The following AK3 variants were observed in gnomAD, a reference collection of about 807,000 sequenced individuals.
AK3 encodes the protein adenylate kinase 3.
Under a neutral mutation model 23.7 loss-of-function variants are expected in AK3, and 27 were observed. The ratio of observed to expected loss-of-function variants is 1.14; its 90% confidence interval spans 0.84 to 1.57. The LOEUF is 1.57. AK3 is among the 40% of genes most tolerant of loss of function. AK3 has a pLI of 0.00. For synonymous variants in AK3, 159 were observed against 116.0 expected (o/e 1.37, Z -2.38); for missense variants, 406 against 285.6 (o/e 1.42, Z -3.04).
At chr9:4,727,160 C>T (rs962370551) in intron 1 of AK3, among the ~76,000 whole-genome samples, 2 of 152,126 alleles carry the variant, frequency 1.3e-5, no homozygotes, top group East Asian at 1.9e-4. Flanking sequence ...TCAAGACCCT[C>T]GGATTTTTGG....
chr9:4,714,084 A>ACCTACACATATACG (rs1841647105), intron 4 of AK3, among the ~76,000 whole-genome samples: 1 of 72,136 alleles, frequency 1.4e-5, no homozygotes, highest in African/African-American at 4.1e-5. Context: ...ACATATACAC[A>ACCTACACATATACG]CCTACACATA....
chr9:4,728,350 C>G lies in AK3; in HGVS notation c.152-5725G>C, dbSNP rs533830823. ...CTTTGGGAGGCCGAGGCAGGCGCATCACTTGAGGTCAGGAGTTCGAGACCA... is the reference window on the plus strand; with the variant it reads ...CTTTGGGAGGCCGAGGCAGGCGCATGACTTGAGGTCAGGAGTTCGAGACCA... On this transcript the variant is annotated intron_variant, in intron 1 of 4. Coordinates refer to ENST00000381809, the MANE Select transcript of AK3 (RefSeq NM_016282.4). Among the ~76,000 whole-genome samples the G allele has an allele frequency of 2.6e-4, 39 of 152,304 alleles. No homozygotes were observed. In the East Asian group the frequency reaches 6.8e-3, roughly 26 times the overall value.
Position 4,722,607 on chromosome 9 carries a change from T to G in AK3, c.170A>C (p.Lys57Thr), listed in dbSNP as rs779704775. 5.6e-6 allele frequency: 9 copies of G among 1,614,088 alleles called. No homozygotes were observed. The highest frequency in any genetic ancestry group is 4.0e-5 in the African/African-American group (3 of 74,936). Reference protein sequence around the residue: ...LRGTEIGVLAKAFIDQGKLIP... With the variant: ...LRGTEIGVLATAFIDQGKLIP... ...GAGTTTCCCTTGGTCAATGAAAGCC[T>G]TGGCTAACACGCCAATTTCTACAGC... The change falls in exon 2 of 5, where the codon AAG becomes ACG. Residue 57 changes from lysine (K) to threonine (T), a missense_variant. Transcript: ENST00000381809.
intron 1 of AK3, among the ~76,000 whole-genome samples, chr9:4,728,190 T>C (rs7042425): frequency 0.019 from 2,936 of 152,330 alleles, 97 homozygotes; most frequent in African/African-American, 0.067. Flanking sequence ...CCAATAGCCT[T>C]GCTTGACACA....
In AK3 at chr9:4,722,456, C is replaced by A. The variant is rs775122125; in HGVS notation, c.271+50G>T. ...AGCCCATGAAATGCTCATTCTCCTG[C>A]CAGCACTGATTATTTTGGGCAGGTG... is the stretch of plus-strand genomic sequence containing the variant. On this transcript the variant is annotated intron_variant, in intron 2 of 4. Coordinates refer to ENST00000381809, the MANE Select transcript of AK3 (RefSeq NM_016282.4). The A allele has an allele frequency of 8.7e-6, 14 of 1,612,786 alleles. No individual in the cohort carries two copies. The South Asian group carries it at 1.3e-4, about 15-fold the overall frequency.
rs149936444 is a variant in AK3 at position 4,739,819 on chromosome 9, T to C, written c.151+1118A>G. On this transcript the variant is annotated intron_variant, in intron 1 of 4. Coordinates refer to ENST00000381809, the MANE Select transcript of AK3 (RefSeq NM_016282.4). Reference sequence around the variant, plus strand: ...GGTGGCATGCGCCTGTAGTCCCAGCTACTAGGGAGGCTGAGACAGGAGAAT... The same window carrying C: ...GGTGGCATGCGCCTGTAGTCCCAGCCACTAGGGAGGCTGAGACAGGAGAAT... 2.2e-3 allele frequency among the ~76,000 whole-genome samples: 333 copies of C among 151,778 alleles called. 1 individual carries two copies. Among genetic ancestry groups the C allele is most frequent in the African/African-American group, 7.7e-3 (318 of 41,360 alleles).
At chr9:4,714,129 C>CACACCTCCACATAAT (rs1563781230) in intron 4 of AK3, among the ~76,000 whole-genome samples, 9 of 6,110 alleles carry the variant, frequency 1.5e-3, no homozygotes, top group African/African-American at 2.3e-3. Context: ...TCCACATATA[C>CACACCTCCACATAAT]ACACCTACAC....
chr9:4,728,412 A>G (rs1446234734), intron 1 of AK3, among the ~76,000 whole-genome samples: 2 of 152,046 alleles, frequency 1.3e-5, no homozygotes, highest in Admixed American at 6.6e-5. Flanking sequence ...CTCTACTAGT[A>G]ATACAAAAAT....
intron 2 of AK3, among the ~76,000 whole-genome samples, chr9:4,720,762 T>C (rs1021353992): frequency 5.3e-5 from 8 of 150,924 alleles, no homozygotes; most frequent in Non-Finnish European, 8.8e-5. Flanking sequence ...ATCTGAAAAA[T>C]TACATTTTCT....
rs148411833 is a variant in AK3, at chr9:4,712,869, A to G, written c.*107T>C. Reference sequence around the variant, plus strand: ...AATCAGTAGAAATAAAAGTAATATAATTTTCAAAGAATTCATACATACTAG... The same window carrying G: ...AATCAGTAGAAATAAAAGTAATATAGTTTTCAAAGAATTCATACATACTAG... On this transcript the variant is annotated 3_prime_UTR_variant, in exon 5 of 5. Coordinates refer to ENST00000381809, the MANE Select transcript of AK3 (RefSeq NM_016282.4). 43 of 1,270,292 alleles carry G rather than the reference A, an allele frequency of 3.4e-5. No individual in the cohort carries two copies. The African/African-American group carries it at 5.1e-4, about 15-fold the overall frequency. The allele number at this position is 1,270,292 out of a possible 1,614,324, so 78.7% of individuals were successfully genotyped here. A position where few individuals can be genotyped will look rare whatever the true frequency, so the allele number is the denominator to read the frequency against.
At chr9:4,730,281 G>C (rs407603) in intron 1 of AK3, among the ~76,000 whole-genome samples, 12,689 of 152,086 alleles carry the variant, frequency 0.083, 624 homozygotes, top group African/African-American at 0.13. Flanking sequence ...CTTTGGATAT[G>C]CTAAAAACCA....
intron 4 of AK3, 90 bp from the exon 5 acceptor site, chr9:4,713,186 G>T: frequency 6.7e-7 from 1 of 1,493,604 alleles, no homozygotes; most frequent in Non-Finnish European, 9.0e-7. Context: ...TAATGATATT[G>T]TAGATATAGG....
chr9:4,719,355 T>C (rs764592583), intron 2 of AK3, 48 bp from the exon 3 acceptor site: 2 of 65,702 alleles, frequency 3.0e-5, no homozygotes, highest in Admixed American at 1.5e-4. Flanking sequence ...AAAGGAAGTA[T>C]GGGGTGGGGG....
intron 1 of AK3, among the ~76,000 whole-genome samples, chr9:4,724,693 T>A (rs1222237898): frequency 6.6e-6 from 1 of 151,912 alleles, no homozygotes; most frequent in East Asian, 1.9e-4. Flanking sequence ...GTGGGAAGAT[T>A]GCTTGAGCCC....
chr9:4,718,359 A>C (rs1841792868), intron 4 of AK3, 60 bp downstream of exon 4: 14 of 1,301,144 alleles, frequency 1.1e-5, no homozygotes, highest in Non-Finnish European at 1.6e-5. Flanking sequence ...GAGGAAGGAA[A>C]ATCAAAACTA....
chr9:4,725,278 A>G (rs1026360279), intron 1 of AK3, among the ~76,000 whole-genome samples: 13 of 151,578 alleles, frequency 8.6e-5, no homozygotes, highest in Non-Finnish European at 1.6e-4. Context: ...CGGCCTCCCA[A>G]AGTGCTGGGA....
Position 4,722,593 on chromosome 9 carries a change from G to C in AK3, c.184C>G (p.Gln62Glu). The change falls in exon 2 of 5, where the codon CAA (glutamine) becomes GAA (glutamate). Residue 62 changes from glutamine to glutamate, a missense_variant. Gln to Glu is a conservative substitution (Grantham distance 29). Coordinates refer to ENST00000381809, the MANE Select transcript of AK3 (RefSeq NM_016282.4). ...ACATCATCTGGGATGAGTTTCCCTT[G>C]GTCAATGAAAGCCTTGGCTAACACG... ...IGVLAKAFID[Q>E]GKLIPDDVMT... The C allele has an allele frequency of 1.2e-6, 2 of 1,614,138 alleles. No homozygotes were observed. The highest frequency in any genetic ancestry group is 2.2e-5 in the East Asian group (1 of 44,880).
At chr9:4,717,650 C>A (rs770624602) in intron 4 of AK3, among the ~76,000 whole-genome samples, 10 of 152,170 alleles carry the variant, frequency 6.6e-5, no homozygotes, top group Non-Finnish European at 1.3e-4. Context: ...AATTGTACCT[C>A]GAGCACCTGT....
Position 4,735,302 on chromosome 9 carries a change from T to C in AK3, c.151+5635A>G, listed in dbSNP as rs183425035. 4.6e-3 allele frequency among the ~76,000 whole-genome samples: 371 copies of C among 81,204 alleles called. 42 individuals are homozygous for C. Among genetic ancestry groups the C allele is most frequent in the African/African-American group, 0.019 (336 of 17,976 alleles). 53.3% of individuals were successfully genotyped at this position (81,204 alleles called of 152,430 possible). A position where few individuals can be genotyped will look rare whatever the true frequency, so the allele number is the denominator to read the frequency against. On this transcript the variant is annotated intron_variant, in intron 1 of 4. Coordinates refer to ENST00000381809, the MANE Select transcript of AK3 (RefSeq NM_016282.4). ...ATATATACATATATAAATATATATA[T>C]ACATATATAAATATATATATACATA...
Sources: gnomAD v4.1 joint callset for allele counts (sites outside exome capture counted in the v4.1 genomes callset) on GRCh38, gnomAD v4.1.1 for gene constraint, MANE v1.5 for transcripts, NCBI Gene and HGNC (gene_info 2026-07-23, HGNC 2026-07-21) for gene names.